Variants in RAB6B observed in about 807,000 individuals in gnomAD.
The protein encoded by RAB6B is ras-related protein Rab-6B.
RAB6B carries 7 observed loss-of-function variants against 31.2 expected under a neutral mutation model. The observed-to-expected ratio is 0.22, with a 90% CI of 0.13 to 0.42. The LOEUF (loss-of-function observed/expected upper bound fraction) is 0.42. RAB6B is among the 10% of genes least tolerant of loss of function. The pLI is 1.00. For missense variants in RAB6B, 149 were observed against 280.6 expected (o/e 0.53, Z 3.35); for synonymous variants, 105 against 104.9 (o/e 1.00, Z -0.01).
chr3:133,855,550 T>A (rs1457919807), intron 2 of RAB6B, among the ~76,000 whole-genome samples: 1 of 152,202 alleles, frequency 6.6e-6, no homozygotes, highest in African/African-American at 2.4e-5. Context: ...AAGCTACCCA[T>A]AATGTGCAAG....
chr3:133,888,790 G>C (rs1309537604), intron 1 of RAB6B, among the ~76,000 whole-genome samples: 1 of 152,120 alleles, frequency 6.6e-6, no homozygotes, highest in African/African-American at 2.4e-5. Context: ...TAAGAGTTGT[G>C]AGTCTTCATC....
At chr3:133,889,443 TATTTA>T (rs1936606635) in intron 1 of RAB6B, among the ~76,000 whole-genome samples, 1 of 104,480 alleles carries the variant, frequency 9.6e-6, no homozygotes, top group African/African-American at 3.6e-5. Flanking sequence ...TATATATATA[TATTTA>T]TTTTGGGATG....
chr3:133,842,405 G>T (rs531052230), intron 2 of RAB6B, among the ~76,000 whole-genome samples: 1 of 152,234 alleles, frequency 6.6e-6, no homozygotes, highest in Admixed American at 6.5e-5. Context: ...GGCCTCACAG[G>T]CACCCGGTAC....
chr3:133,829,805 G>A (rs748638975), intron 7 of RAB6B, among the ~76,000 whole-genome samples: 9 of 152,152 alleles, frequency 5.9e-5, no homozygotes, highest in Non-Finnish European at 8.8e-5. Flanking sequence ...TGGCTGTGAG[G>A]ATGCTCAGAG....
rs1305911155 is a variant in RAB6B, at chr3:133,825,973, G to A, written c.*2815C>T. 1 of 152,210 alleles carries A rather than the reference G, an allele frequency of 6.6e-6. No homozygotes were observed. The highest frequency in any genetic ancestry group is 1.5e-5 in the Non-Finnish European group (1 of 68,040). 9.4% of individuals were successfully genotyped at this position (152,210 alleles called of 1,614,324 possible). On this transcript the variant is annotated 3_prime_UTR_variant, in exon 8 of 8. Transcript: ENST00000285208. ...ACATCTTCTTCAAGAGCACCTAACA[G>A]TTTATTATGGAACCTTAACTCTGTG... is the stretch of plus-strand genomic sequence containing the variant.
At chr3:133,864,122 G>A (rs868796276) in intron 2 of RAB6B, among the ~76,000 whole-genome samples, 76 of 145,926 alleles carry the variant, frequency 5.2e-4, no homozygotes, top group African/African-American at 1.9e-3. Context: ...CAGCAACCGT[G>A]TGTGTGTGTG....
Position 133,834,010 on chromosome 3 carries a change from T to G in RAB6B, c.562+565A>C, listed in dbSNP as rs542405516. Among the ~76,000 whole-genome samples the G allele has an allele frequency of 3.9e-5, 6 of 152,304 alleles. No homozygotes were observed. The East Asian group carries it at 1.2e-3, about 29-fold the overall frequency. ...GTGACACTGGGCAAACCAGACTACC[T>G]CTCTGAACCTCAGTTTCAGCATCTA... On this transcript the variant is annotated intron_variant, in intron 7 of 7. Coordinates refer to ENST00000285208, the MANE Select transcript of RAB6B (RefSeq NM_016577.4).
intron 2 of RAB6B, among the ~76,000 whole-genome samples, chr3:133,855,056 A>C (rs1156562745): frequency 6.6e-6 from 1 of 152,224 alleles, no homozygotes; most frequent in African/African-American, 2.4e-5. Context: ...GGAAGCATCC[A>C]TAAGTGGCAG....
chr3:133,839,673 T>C (rs1358203062), intron 4 of RAB6B, 56 bp from the exon 5 acceptor site: 2 of 1,328,432 alleles, frequency 1.5e-6, no homozygotes, highest in South Asian at 1.2e-5. Context: ...CAGTGGGAGA[T>C]GGGAAGGGGA....
chr3:133,869,820 A>C (rs1294588707), intron 1 of RAB6B, among the ~76,000 whole-genome samples: 1 of 152,184 alleles, frequency 6.6e-6, no homozygotes, highest in Non-Finnish European at 1.5e-5. Flanking sequence ...CAACCAGCAG[A>C]CCTGTGAGTG....
chr3:133,855,219 C>G (rs1936056694), intron 2 of RAB6B, among the ~76,000 whole-genome samples: 1 of 152,244 alleles, frequency 6.6e-6, no homozygotes, highest in African/African-American at 2.4e-5. Context: ...CAAGTGGGTG[C>G]TTTGGAGAGA....
chr3:133,873,317 G>A lies in RAB6B; in HGVS notation c.71-8675C>T, dbSNP rs531452603. 3.3e-5 allele frequency among the ~76,000 whole-genome samples: 5 copies of A among 152,288 alleles called. No homozygotes were observed. The East Asian group carries it at 5.8e-4, about 18-fold the overall frequency. Reference sequence around the variant, plus strand: ...GCTCTGTGGTTGCTGGGGACATGACGGTCTGCTGGGGCTCCACAGGGTGAC... The same window carrying A: ...GCTCTGTGGTTGCTGGGGACATGACAGTCTGCTGGGGCTCCACAGGGTGAC... On this transcript the variant is annotated intron_variant, in intron 1 of 7. Transcript: ENST00000285208.
intron 2 of RAB6B, among the ~76,000 whole-genome samples, chr3:133,852,825 C>A (rs1936007229): frequency 6.6e-6 from 1 of 152,122 alleles, no homozygotes. Context: ...TACTGCGTGA[C>A]CTTGTTCAAG....
chr3:133,884,084 A>G (rs998453182), intron 1 of RAB6B, among the ~76,000 whole-genome samples: 2 of 152,232 alleles, frequency 1.3e-5, no homozygotes, highest in African/African-American at 4.8e-5. Context: ...CACTGCTCAA[A>G]GAGGCCAAGG....
intron 1 of RAB6B, among the ~76,000 whole-genome samples, chr3:133,885,819 C>T (rs981518133): frequency 6.6e-6 from 1 of 152,190 alleles, no homozygotes; most frequent in Non-Finnish European, 1.5e-5. Flanking sequence ...AGAAAATATA[C>T]ATCTGCAGTG....
intron 2 of RAB6B, among the ~76,000 whole-genome samples, chr3:133,850,865 C>T (rs1935974407): frequency 6.6e-6 from 1 of 151,768 alleles, no homozygotes; most frequent in Non-Finnish European, 1.5e-5. Context: ...ATAACAGAGT[C>T]TAACTGCTAA....
intron 5 of RAB6B, 51 bp from the exon 6 acceptor site, chr3:133,838,310 G>T: frequency 6.5e-7 from 1 of 1,550,256 alleles, no homozygotes. Flanking sequence ...AGCAGACCCT[G>T]GCAGATATGA....
intron 2 of RAB6B, among the ~76,000 whole-genome samples, chr3:133,844,754 A>T (rs1407992061): frequency 6.6e-6 from 1 of 152,144 alleles, no homozygotes; most frequent in Non-Finnish European, 1.5e-5. Flanking sequence ...CCTAGGTAAC[A>T]TAGTGAGACT....
rs1006203283 is a variant in RAB6B at position 133,825,801 on chromosome 3, C to G, written c.*2987G>C. The G allele has an allele frequency of 6.6e-6, 1 of 152,178 alleles. No individual in the cohort carries two copies. The highest frequency in any genetic ancestry group is 2.4e-5 in the African/African-American group (1 of 41,422). 9.4% of individuals were successfully genotyped at this position (152,178 alleles called of 1,614,324 possible). A position where few individuals can be genotyped will look rare whatever the true frequency, so the allele number is the denominator to read the frequency against. Reference sequence around the variant, plus strand: ...GGCCAAGAGGATCCTGCTAATCTGCCAGGTCACGTCTAGTCTTTGGGGAGA... The same window carrying G: ...GGCCAAGAGGATCCTGCTAATCTGCGAGGTCACGTCTAGTCTTTGGGGAGA... On this transcript the variant is annotated 3_prime_UTR_variant, in exon 8 of 8. Transcript: ENST00000285208.
Sources: allele counts gnomAD v4.1 joint callset (sites outside exome capture counted in the v4.1 genomes callset), GRCh38; gene constraint gnomAD v4.1.1; transcripts MANE v1.5; gene names NCBI Gene and HGNC (gene_info 2026-07-23, HGNC 2026-07-21).